The following CLVS1 variants were observed in gnomAD, a reference collection of about 807,000 sequenced individuals.
CLVS1 encodes clavesin 1, also known as clavesin-1.
In CLVS1, 10 loss-of-function variants were observed where a neutral mutation model predicts 33.1. That is an observed-to-expected ratio of 0.30 (90% confidence interval 0.19 to 0.51). The LOEUF is 0.51. Among genes scored for constraint, CLVS1 ranks in the 20% least tolerant of loss-of-function variants. CLVS1 has a pLI of 0.97. For missense variants in CLVS1, 343 were observed against 433.4 expected, an observed-to-expected ratio of 0.79 and a Z score of 1.85; for synonymous variants, 163 against 166.1, an observed-to-expected ratio of 0.98 and a Z score of 0.14.
chr8:61,194,929 T>TAC (rs1807571255), intron 2 of CLVS1, among the ~76,000 whole-genome samples: 1 of 106,430 alleles, frequency 9.4e-6, no homozygotes, highest in Non-Finnish European at 2.3e-5. Flanking sequence ...AATTAGAAAA[T>TAC]TCTTATATGT....
chr8:61,101,700 T>C (rs1463910872), intron 1 of CLVS1, among the ~76,000 whole-genome samples: 3 of 152,142 alleles, frequency 2.0e-5, no homozygotes, highest in Non-Finnish European at 2.9e-5. Flanking sequence ...GGCACAAATA[T>C]TTACCCTTAG....
chr8:60,967,240 A>G, the CLVS1 span, among the ~76,000 whole-genome samples: 1 of 152,090 alleles, frequency 6.6e-6, no homozygotes, highest in South Asian at 2.1e-4. Flanking sequence ...TACCATGCAG[A>G]TTGGAACTTA....
At chr8:61,087,604 A>T (rs1449059646) in intron 1 of CLVS1, among the ~76,000 whole-genome samples, 1 of 152,158 alleles carries the variant, frequency 6.6e-6, no homozygotes, top group African/African-American at 2.4e-5. Context: ...AGGGAAACAG[A>T]TCTCAACATT....
chr8:61,323,218 C>CTCT (rs1811262935), intron 2 of CLVS1, among the ~76,000 whole-genome samples: 1 of 152,148 alleles, frequency 6.6e-6, no homozygotes, highest in Non-Finnish European at 1.5e-5. Flanking sequence ...GGCCAGGCTT[C>CTCT]TCTTTCAGCC....
intron 1 of CLVS1, among the ~76,000 whole-genome samples, chr8:61,080,997 A>T (rs544690659): frequency 6.6e-6 from 1 of 152,336 alleles, no homozygotes; most frequent in African/African-American, 2.4e-5. Flanking sequence ...GGAATAAGAA[A>T]TGGCTGAGTG....
At chr8:61,239,276 A>G (rs184792491) in intron 2 of CLVS1, among the ~76,000 whole-genome samples, 2 of 152,352 alleles carry the variant, frequency 1.3e-5, no homozygotes, top group African/African-American at 4.8e-5. Flanking sequence ...ACAACTGGAC[A>G]TATCAACCCT....
intron 3 of CLVS1, among the ~76,000 whole-genome samples, chr8:61,402,889 C>G (rs760611130): frequency 1.3e-5 from 2 of 152,154 alleles, no homozygotes; most frequent in Non-Finnish European, 2.9e-5. Context: ...ATTGTGCATA[C>G]ATACACTGGG....
At chr8:61,177,228 A>C (rs1023547743) in intron 2 of CLVS1, among the ~76,000 whole-genome samples, 4 of 152,176 alleles carry the variant, frequency 2.6e-5, no homozygotes, top group African/African-American at 9.6e-5. Context: ...CTGTGGCCAG[A>C]GTGCCTCTTC....
chr8:61,496,238 T>A (rs1404993587), intron 5 of CLVS1, among the ~76,000 whole-genome samples: 2 of 152,218 alleles, frequency 1.3e-5, no homozygotes, highest in African/African-American at 2.4e-5. Flanking sequence ...TGAAGTCATA[T>A]GACAGAAGGT....
chr8:61,119,081 G>A (rs538674055), intron 1 of CLVS1, among the ~76,000 whole-genome samples: 66 of 152,298 alleles, frequency 4.3e-4, no homozygotes, highest in African/African-American at 1.5e-3. Context: ...ATATATTTAG[G>A]ATAGTTAGCT....
the CLVS1 span, among the ~76,000 whole-genome samples, chr8:61,041,445 TTCTTCCAA>T: frequency 1.3e-5 from 2 of 152,222 alleles, no homozygotes; most frequent in African/African-American, 4.8e-5. Context: ...ATAATATTAA[TTCTTCCAA>T]TCCATGATCA....
chr8:61,474,466 G>C (rs1006517342), intron 5 of CLVS1, among the ~76,000 whole-genome samples: 14 of 152,290 alleles, frequency 9.2e-5, no homozygotes, highest in South Asian at 2.1e-4. Flanking sequence ...GATCCAGAAG[G>C]CTTTTTTGTT....
intron 2 of CLVS1, among the ~76,000 whole-genome samples, chr8:61,159,529 C>T (rs1164516341): frequency 2.6e-5 from 4 of 152,214 alleles, no homozygotes; most frequent in Admixed American, 1.3e-4. Context: ...AGCCTTTTGT[C>T]TCCATTAATC....
rs144200333 is a variant in CLVS1 at position 61,174,436 on chromosome 8, A to AAAAC, written c.-152+42608_-152+42611dup. On this transcript the variant is annotated intron_variant, in intron 2 of 2. Transcript: ENST00000522621. ...GGGCAACAGAGTGAGACTGTCTCAA[A>AAAAC]AAACAAACAAACAAACAAACAAACA... Among the ~76,000 whole-genome samples, 377 of 150,682 alleles carry AAAAC rather than the reference A, an allele frequency of 2.5e-3. 2 individuals are homozygous for AAAAC. In the South Asian group the frequency reaches 0.028, roughly 11 times the overall value.
intron 5 of CLVS1, among the ~76,000 whole-genome samples, chr8:61,491,987 G>C (rs1198431920): frequency 2.0e-5 from 3 of 152,170 alleles, no homozygotes; most frequent in Non-Finnish European, 4.4e-5. Context: ...GTGTCAGTTT[G>C]AGAACTAAAT....
At chr8:61,121,040 G>A (rs1805854015) in intron 1 of CLVS1, among the ~76,000 whole-genome samples, 1 of 151,794 alleles carries the variant, frequency 6.6e-6, no homozygotes, top group Non-Finnish European at 1.5e-5. Flanking sequence ...GTGGGCGTAG[G>A]ACCCTCCAAG....
chr8:61,199,966 G>A (rs1473785274), intron 2 of CLVS1, among the ~76,000 whole-genome samples: 1 of 152,160 alleles, frequency 6.6e-6, no homozygotes, highest in Non-Finnish European at 1.5e-5. Context: ...GACTGAAAGG[G>A]GTGGTGAGGC....
intron 2 of CLVS1, among the ~76,000 whole-genome samples, chr8:61,322,769 A>G (rs372656636): frequency 5.8e-4 from 88 of 152,262 alleles, no homozygotes; most frequent in Non-Finnish European, 9.4e-4. Flanking sequence ...ATCTCAATTA[A>G]TCAATTAATT....
At chr8:61,432,923 A>G (rs1156554159) in intron 3 of CLVS1, among the ~76,000 whole-genome samples, 4 of 152,116 alleles carry the variant, frequency 2.6e-5, no homozygotes, top group Non-Finnish European at 5.9e-5. Flanking sequence ...AGGAAAGAGC[A>G]AGTAGGAGGG....
Sources: gnomAD v4.1 joint callset for allele counts (sites outside exome capture counted in the v4.1 genomes callset) on GRCh38, gnomAD v4.1.1 for gene constraint, MANE v1.5 for transcripts, NCBI Gene and HGNC (gene_info 2026-07-23, HGNC 2026-07-21) for gene names.